Variants in AKAP9 observed in about 807,000 individuals in gnomAD.
AKAP9 encodes the protein A-kinase anchoring protein 9.
A neutral mutation model predicts 488.5 loss-of-function variants in AKAP9; 311 were observed. That is an observed-to-expected ratio of 0.64 (90% confidence interval 0.58 to 0.70). The LOEUF (loss-of-function observed/expected upper bound fraction) is 0.70. Among genes scored for constraint, AKAP9 ranks in the 30% least tolerant of loss-of-function variants. AKAP9 has a pLI of 0.00. For missense variants in AKAP9, 4,215 were observed against 4,374.5 expected, an observed-to-expected ratio of 0.96 and a Z score of 1.03; for synonymous variants, 1,462 against 1,483.5, an observed-to-expected ratio of 0.99 and a Z score of 0.33.
chr7:92,071,000 G>A lies in AKAP9; in HGVS notation c.6603G>A (p.Lys2201=), dbSNP rs1184409778. ...CTGAACGAGATGCCATAGACAGAAA[G>A]GAAAAAGAGGTAAGGAGTTTATTTT... ...LQAERDAIDR[K]EKEITNLEEQ... The change falls in exon 28 of 50, where the codon AAG becomes AAA. Residue 2201 remains lysine (K), a synonymous_variant. Coordinates refer to ENST00000356239, the MANE Select transcript of AKAP9 (RefSeq NM_005751.5). 1 of 1,610,556 alleles carries A rather than the reference G, an allele frequency of 6.2e-7. No homozygotes were observed.
At chr7:92,031,634 C>A (rs1804253623) in intron 16 of AKAP9, 30 bp downstream of exon 16, 1 of 1,509,122 alleles carries the variant, frequency 6.6e-7, no homozygotes, top group Non-Finnish European at 9.2e-7. Context: ...GGAAGATTAT[C>A]TTGGTTTATA....
At chr7:92,006,761 G>A (rs1456679548) in intron 8 of AKAP9, among the ~76,000 whole-genome samples, 3 of 152,192 alleles carry the variant, frequency 2.0e-5, no homozygotes, top group African/African-American at 7.2e-5. Flanking sequence ...AGTCTTTTCA[G>A]TGTTGGGATG....
chr7:92,039,531 T>A (rs1310788797), intron 17 of AKAP9, among the ~76,000 whole-genome samples: 1 of 152,238 alleles, frequency 6.6e-6, no homozygotes, highest in Non-Finnish European at 1.5e-5. Flanking sequence ...TATTTATTAA[T>A]AGAAGATCCA....
chr7:92,000,277 C>A (rs561090770), intron 7 of AKAP9, among the ~76,000 whole-genome samples: 18 of 152,198 alleles, frequency 1.2e-4, no homozygotes, highest in Non-Finnish European at 2.4e-4. Flanking sequence ...GAGGTTCAGC[C>A]TTTTAAGCAT....
intron 1 of AKAP9, among the ~76,000 whole-genome samples, chr7:91,946,901 A>G (rs2130448062): frequency 6.6e-6 from 1 of 152,348 alleles, no homozygotes; most frequent in African/African-American, 2.4e-5. Flanking sequence ...AGTAAAAGCT[A>G]AACTATGTCT....
intron 9 of AKAP9, among the ~76,000 whole-genome samples, chr7:92,013,187 T>C (rs1000905799): frequency 6.0e-5 from 9 of 151,084 alleles, no homozygotes; most frequent in Non-Finnish European, 8.8e-5. Flanking sequence ...GAGACGGGGT[T>C]TCACCGTTTT....
chr7:91,980,854 C>T (rs1314324285), intron 3 of AKAP9, among the ~76,000 whole-genome samples: 1 of 151,812 alleles, frequency 6.6e-6, no homozygotes, highest in Non-Finnish European at 1.5e-5. Context: ...ATTTTGTTAT[C>T]TTTTTCTTAT....
Position 91,994,637 on chromosome 7 carries a change from C to G in AKAP9, c.593C>G (p.Ala198Gly). Residue 198 changes from alanine to glycine, a missense_variant, in exon 6 of 50, where the codon GCT becomes GGT. Ala to Gly is a moderately conservative substitution (Grantham distance 60, BLOSUM62 0). Transcript: ENST00000356239. The stretch of plus-strand genomic sequence containing the variant: ...TTCTTTCAGTTACAAGAATTTGAAG[C>G]TGCCATTAAACAAAGAGATGGCATT... ...EGLQQLQEFE[A>G]AIKQRDGIIT... 6.2e-7 allele frequency: 1 copy of G among 1,612,382 alleles called. No homozygotes were observed. The highest frequency in any genetic ancestry group is 1.1e-5 in the South Asian group (1 of 90,602).
In AKAP9 at chr7:92,002,262, A is replaced by G; in HGVS notation, c.2345A>G (p.Asp782Gly). Residue 782 changes from aspartate (D) to glycine (G), a missense_variant, in exon 8 of 50, where the codon GAT (aspartate) becomes GGT (glycine). This residue lies in a region of AKAP9 where 2,361 missense variants were observed against 2,430.0 expected (regional missense o/e 0.97). Coordinates refer to ENST00000356239, the MANE Select transcript of AKAP9 (RefSeq NM_005751.5). ...QLEAENSILK[D>G]EKKTLEDMLK... ...GAAGCAGAGAATAGCATTCTTAAAG[A>G]TGAAAAGAAAACCCTTGAAGACATG... 6.2e-7 allele frequency: 1 copy of G among 1,601,868 alleles called. No individual in the cohort carries two copies. The highest frequency in any genetic ancestry group is 8.5e-7 in the Non-Finnish European group (1 of 1,176,768).
In AKAP9 at chr7:91,993,075, C is replaced by G. The variant is rs535365273; in HGVS notation, c.576+20C>G. ...CAGCAGGTATGTTTATTTTCTGTGGCTTTTGATTTGCTACTCACAAAAACA... is the reference window on the plus strand; with the variant it reads ...CAGCAGGTATGTTTATTTTCTGTGGGTTTTGATTTGCTACTCACAAAAACA... On this transcript the variant is annotated intron_variant, in intron 5 of 49. Coordinates refer to ENST00000356239, the MANE Select transcript of AKAP9 (RefSeq NM_005751.5). 6.2e-6 allele frequency: 10 copies of G among 1,613,658 alleles called. No individual in the cohort carries two copies. The East Asian group carries it at 2.0e-4, about 32-fold the overall frequency.
At chr7:92,058,113 A>G (rs201706021) in intron 22 of AKAP9, 24 of 533,308 alleles carry the variant, frequency 4.5e-5, no homozygotes, top group South Asian at 3.2e-5. Flanking sequence ...GAACTTTTTA[A>G]TGTATTAGAA....
intron 47 of AKAP9, among the ~76,000 whole-genome samples, chr7:92,106,784 C>G (rs60147309): frequency 0.42 from 63,162 of 152,056 alleles, 13,662 homozygotes; most frequent in African/African-American, 0.52. Context: ...GAGCATCCTA[C>G]AGAGGGGAAA....
chr7:92,105,870 CCG>C, intron 47 of AKAP9, 107 bp downstream of exon 47: 1 of 997,422 alleles, frequency 1.0e-6, no homozygotes, highest in Non-Finnish European at 1.6e-6. Flanking sequence ...AGGAACCAGG[CCG>C]CACAGCAGCA....
At chr7:92,053,031 A>G in intron 22 of AKAP9, 73 bp downstream of exon 22, 1 of 1,277,546 alleles carries the variant, frequency 7.8e-7, no homozygotes, top group South Asian at 1.2e-5. Flanking sequence ...CGACTGAGCT[A>G]ATTTTGATAT....
chr7:92,095,153 C>CG lies in AKAP9; in HGVS notation c.9712dup (p.Asp3238GlyfsTer2). 1 of 1,614,092 alleles carries CG rather than the reference C, an allele frequency of 6.2e-7. No homozygotes were observed. The highest frequency in any genetic ancestry group is 8.5e-7 in the Non-Finnish European group (1 of 1,179,980). On this transcript the variant is annotated frameshift_variant, in exon 40 of 50. Transcript: ENST00000356239. LOFTEE classifies it high-confidence loss of function. ...AGCCAAGTTGGGACGCAGTGAAGAA[C>CG]GGGATAAAGAAGAACTTGAGGTACT...
rs538292884 is a variant in AKAP9, at chr7:92,027,428, G to A, written c.4149-2467G>A. Among the ~76,000 whole-genome samples the A allele has an allele frequency of 7.2e-5, 10 of 138,456 alleles. 1 individual carries two copies. The highest frequency in any genetic ancestry group is 2.3e-4 in the East Asian group (1 of 4,354). The allele number at this position is 138,456 out of a possible 152,430, so 90.8% of individuals were successfully genotyped here. ...TGGAAAGTGAGGAGCGCCTCTGCCC[G>A]GCCGCCCTGTCTGGGAAGTGAGGAG... On this transcript the variant is annotated intron_variant, in intron 14 of 49. Coordinates refer to ENST00000356239, the MANE Select transcript of AKAP9 (RefSeq NM_005751.5).
chr7:92,084,046 A>G (rs1814083553), intron 33 of AKAP9, among the ~76,000 whole-genome samples: 1 of 152,118 alleles, frequency 6.6e-6, no homozygotes, highest in African/African-American at 2.4e-5. Flanking sequence ...CTCATTGTTT[A>G]ACTCCCACTT....
intron 30 of AKAP9, 26 bp from the exon 31 acceptor site, chr7:92,079,053 A>G: frequency 6.8e-7 from 1 of 1,481,230 alleles, no homozygotes. Context: ...TATATTATGT[A>G]TGTTACCTTT....
intron 16 of AKAP9, among the ~76,000 whole-genome samples, chr7:92,033,776 A>G (rs1290004172): frequency 6.6e-6 from 1 of 152,210 alleles, no homozygotes; most frequent in Non-Finnish European, 1.5e-5. Context: ...TATATAGAAG[A>G]AGCCCAATAG....
Sources: gnomAD v4.1 joint callset for allele counts (sites outside exome capture counted in the v4.1 genomes callset) on GRCh38, gnomAD v4.1.1 for gene constraint, gnomAD v4.1.1 regional missense constraint, MANE v1.5 for transcripts, NCBI Gene and HGNC (gene_info 2026-07-23, HGNC 2026-07-21) for gene names.